GPRIN1: variants seen among roughly 807,000 people sequenced by gnomAD.
The protein encoded by GPRIN1 is G protein-regulated inducer of neurite outgrowth 1.
A neutral mutation model predicts 2.8 loss-of-function variants in GPRIN1; 4 were observed. That is an observed-to-expected ratio of 1.45 (90% CI 0.71 to 3.32). GPRIN1 has a LOEUF of 3.32. Among genes scored for constraint, GPRIN1 ranks in the 30% most tolerant of loss-of-function variants. The probability of loss-of-function intolerance (pLI) is 0.01; values close to 1 mark genes in which losing one functional copy is unlikely to be tolerated. For synonymous variants in GPRIN1, 589 were observed against 589.9 expected (o/e 1.00, Z 0.02); for missense variants, 1,322 against 1,343.4 (o/e 0.98, Z 0.25).
rs115775006 is a variant in GPRIN1 at position 176,602,234 on chromosome 5, C to T, written c.-43-2357G>A. ...TATCTGCATGGTCGGCTCCCCAAGG[C>T]TTTCCCTGACCCATGCAATGTAAAA... On this transcript the variant is annotated intron_variant, in intron 1 of 1. Transcript: ENST00000303991. The surrounding 1 kb of genome is among the most constrained non-coding windows in gnomAD (Gnocchi z 4.4). 2.4e-3 allele frequency among the ~76,000 whole-genome samples: 363 copies of T among 152,310 alleles called. 2 individuals carry two copies. Among genetic ancestry groups the T allele is most frequent in the African/African-American group, 8.4e-3 (351 of 41,574 alleles).
Position 176,596,999 on chromosome 5 carries a change from T to C in GPRIN1, c.2836A>G (p.Ile946Val). The stretch of plus-strand genomic sequence containing the variant: ...GCCCCTTGGCGGCCGTGCTCCTCGA[T>C]CTGTCGCTCCAGATGCTTCTGGATG... ...MAIQKHLERQ[I>V]EEHGRQGAPA... is the part of the protein sequence containing the mutation. Residue 946 changes from isoleucine to valine, a missense_variant, in exon 2 of 2, where the codon ATC becomes GTC. By Grantham distance (29) the Ile-to-Val change is conservative. Coordinates refer to ENST00000303991, the MANE Select transcript of GPRIN1 (RefSeq NM_052899.3). The surrounding 1 kb of genome is among the most constrained non-coding windows in gnomAD (Gnocchi z 5.2). 7.0e-7 allele frequency: 1 copy of C among 1,426,176 alleles called. No individual in the cohort carries two copies. The highest frequency in any genetic ancestry group is 9.2e-7 in the Non-Finnish European group (1 of 1,082,816). 88.3% of individuals were successfully genotyped at this position (1,426,176 alleles called of 1,614,324 possible). A position where few individuals can be genotyped will look rare whatever the true frequency, so the allele number is the denominator to read the frequency against.
At chr5:176,600,182 G>A (rs1253515384) in intron 1 of GPRIN1, among the ~76,000 whole-genome samples, 3 of 152,070 alleles carry the variant, frequency 2.0e-5, no homozygotes, top group South Asian at 2.1e-4. Context: ...GTGCAATGGC[G>A]CGATCTCAGC....
Position 176,597,587 on chromosome 5 carries a change from GC to G in GPRIN1, c.2247del (p.Glu749AspfsTer78). Reference sequence around the variant, plus strand: ...GTGCTGGACACGGGCTCGGCCTTCGGCTCCACGCGGCCTTCACTGCCCCTGG... The same window carrying G: ...GTGCTGGACACGGGCTCGGCCTTCGGTCCACGCGGCCTTCACTGCCCCTGG... Reference protein sequence around the residue: ...EGARGSEGRVEPKAEPVSSTE... With the variant: ...EGARGSEGRVXPKAEPVSSTE... On this transcript the variant is annotated frameshift_variant, in exon 2 of 2. Coordinates refer to ENST00000303991, the MANE Select transcript of GPRIN1 (RefSeq NM_052899.3). LOFTEE classifies it low-confidence loss of function (END_TRUNC). This position sits in a 1 kb window ranked among gnomAD's most constrained non-coding sequence, Gnocchi z 6.1. The G allele has an allele frequency of 6.3e-7, 1 of 1,595,244 alleles. No individual in the cohort carries two copies. Among genetic ancestry groups the G allele is most frequent in the Non-Finnish European group, 8.5e-7 (1 of 1,177,272 alleles).
chr5:176,597,946 G>A lies in GPRIN1; in HGVS notation c.1889C>T (p.Ala630Val), dbSNP rs1759077385. The change falls in exon 2 of 2, where the codon GCA (alanine) becomes GTA (valine). Residue 630 changes from alanine (A) to valine (V), a missense_variant. Around this residue, in one of 3 missense-constraint regions of GPRIN1, gnomAD observed 1,117 missense variants for 1,128.6 expected, o/e 0.99. Transcript: ENST00000303991. This position sits in a 1 kb window ranked among gnomAD's most constrained non-coding sequence, Gnocchi z 6.1. ...TKADPRASGK[A>V]QPQSGGKAET... is the part of the protein sequence containing the mutation. Reference sequence around the variant, plus strand: ...TGCTTTGCCACCAGACTGCGGCTGTGCTTTCCCCGAGGCCCTGGGATCCGC... The same window carrying A: ...TGCTTTGCCACCAGACTGCGGCTGTACTTTCCCCGAGGCCCTGGGATCCGC... The A allele has an allele frequency of 1.2e-6, 2 of 1,613,980 alleles. No individual in the cohort carries two copies. The highest frequency in any genetic ancestry group is 4.5e-5 in the East Asian group (2 of 44,880).
Position 176,602,775 on chromosome 5 carries a change from T to C in GPRIN1, c.-43-2898A>G, listed in dbSNP as rs936332385. Among the ~76,000 whole-genome samples the C allele has an allele frequency of 6.6e-6, 1 of 152,042 alleles. No homozygotes were observed. Among genetic ancestry groups the C allele is most frequent in the Non-Finnish European group, 1.5e-5 (1 of 68,012 alleles). The stretch of plus-strand genomic sequence containing the variant: ...ACGGGGAGGCAGGTTCTGTGAACTG[T>C]GGGACAACCACGCAGAGCACCGGGC... On this transcript the variant is annotated intron_variant, in intron 1 of 1. Transcript: ENST00000303991. This position sits in a 1 kb window ranked among gnomAD's most constrained non-coding sequence, Gnocchi z 4.4.
chr5:176,599,772 T>C lies in GPRIN1; in HGVS notation c.63A>G (p.Gly21=). Residue 21 remains glycine (G), a synonymous_variant, in exon 2 of 2, where the codon GGA becomes GGG. Transcript: ENST00000303991. ...GGCAGAAGAAGGCTGTGGGTCGGGGTCCTGGGGGGCTGGAATCCTTTTGAA... is the reference window on the plus strand; with the variant it reads ...GGCAGAAGAAGGCTGTGGGTCGGGGCCCTGGGGGGCTGGAATCCTTTTGAA... ...QLLQKDSSPP[G]PRPTAFFCPQ... The C allele has an allele frequency of 6.6e-7, 1 of 1,515,670 alleles. No individual in the cohort carries two copies. The highest frequency in any genetic ancestry group is 1.3e-5 in the South Asian group (1 of 75,648). The allele number at this position is 1,515,670 out of a possible 1,614,324, so 93.9% of individuals were successfully genotyped here.
intron 1 of GPRIN1, among the ~76,000 whole-genome samples, chr5:176,605,491 G>T (rs1581159062): frequency 6.6e-6 from 1 of 152,176 alleles, no homozygotes; most frequent in Admixed American, 6.5e-5. Flanking sequence ...TTATAAGCCA[G>T]GGTGACCGGG....
rs1759059046 is a variant in GPRIN1, at chr5:176,597,409, C to G, written c.2426G>C (p.Arg809Pro). 5.4e-6 allele frequency: 7 copies of G among 1,292,768 alleles called. No homozygotes were observed. Among genetic ancestry groups the G allele is most frequent in the Non-Finnish European group, 6.8e-6 (7 of 1,025,154 alleles). 80.1% of individuals were successfully genotyped at this position (1,292,768 alleles called of 1,614,324 possible). The change falls in exon 2 of 2, where the codon CGC (arginine) becomes CCC (proline). Residue 809 changes from arginine to proline, a missense_variant. Coordinates refer to ENST00000303991, the MANE Select transcript of GPRIN1 (RefSeq NM_052899.3). This position sits in a 1 kb window ranked among gnomAD's most constrained non-coding sequence, Gnocchi z 6.1. ...SWEASAPPPP[R>P]EDAGTQAGAQ... ...GCCCGCCTGAGTGCCCGCGTCCTCG[C>G]GCGGCGGCGGCGGGGCGCTCGCCTC...
chr5:176,596,228 G>C lies in GPRIN1; in HGVS notation c.*580C>G, dbSNP rs1483800901. 6.6e-6 allele frequency: 1 copy of C among 152,440 alleles called. No homozygotes were observed. The highest frequency in any genetic ancestry group is 2.4e-5 in the African/African-American group (1 of 41,424). 9.4% of individuals were successfully genotyped at this position (152,440 alleles called of 1,614,324 possible). ...GGGTGGGAGATAGGAACTGGGGAAG[G>C]ACCACCAACAGCATGCAAGAGACGC... On this transcript the variant is annotated 3_prime_UTR_variant, in exon 2 of 2. Coordinates refer to ENST00000303991, the MANE Select transcript of GPRIN1 (RefSeq NM_052899.3). The surrounding 1 kb of genome is among the most constrained non-coding windows in gnomAD (Gnocchi z 5.2).
At position 176,602,487 on chromosome 5, in the gene GPRIN1, C is replaced by G. The variant is rs191088637; in HGVS notation, c.-43-2610G>C. On this transcript the variant is annotated intron_variant, in intron 1 of 1. Coordinates refer to ENST00000303991, the MANE Select transcript of GPRIN1 (RefSeq NM_052899.3). This position sits in a 1 kb window ranked among gnomAD's most constrained non-coding sequence, Gnocchi z 4.4. The stretch of plus-strand genomic sequence containing the variant: ...GCAGTAAGCAAGGAAGATCCTCATA[C>G]GGATTTGTTCCATGAATGACTGAAT... 6.6e-6 allele frequency among the ~76,000 whole-genome samples: 1 copy of G among 152,176 alleles called. No individual in the cohort carries two copies. The highest frequency in any genetic ancestry group is 1.5e-5 in the Non-Finnish European group (1 of 68,044).
At position 176,597,098 on chromosome 5, in the gene GPRIN1, C is replaced by A; in HGVS notation, c.2737G>T (p.Val913Leu). 1 of 1,489,366 alleles carries A rather than the reference C, an allele frequency of 6.7e-7. No individual in the cohort carries two copies. The highest frequency in any genetic ancestry group is 1.3e-5 in the South Asian group (1 of 77,028). 92.3% of individuals were successfully genotyped at this position (1,489,366 alleles called of 1,614,324 possible). Residue 913 changes from valine to leucine, a missense_variant, in exon 2 of 2, where the codon GTG becomes TTG. Around this residue, in one of 3 missense-constraint regions of GPRIN1, gnomAD observed 196 missense variants for 189.2 expected, o/e 1.04. Transcript: ENST00000303991. This position sits in a 1 kb window ranked among gnomAD's most constrained non-coding sequence, Gnocchi z 6.1. Reference sequence around the variant, plus strand: ...GTCATGCCCTTCTCGTCCCAGCTCACGTCTCGCACGGGCTCAGCCGGCTCC... The same window carrying A: ...GTCATGCCCTTCTCGTCCCAGCTCAAGTCTCGCACGGGCTCAGCCGGCTCC... ...PPEPAEPVRD[V>L]SWDEKGMTWE...
At chr5:176,604,822 C>T (rs915356041) in intron 1 of GPRIN1, among the ~76,000 whole-genome samples, 2 of 152,150 alleles carry the variant, frequency 1.3e-5, no homozygotes, top group Non-Finnish European at 2.9e-5. Flanking sequence ...CAACCTCTGC[C>T]TCCCAGGTTC....
Position 176,599,892 on chromosome 5 carries a change from G to A in GPRIN1, c.-43-15C>T, listed in dbSNP as rs1759122588. 6.0e-6 allele frequency: 8 copies of A among 1,343,060 alleles called. No individual in the cohort carries two copies. The highest frequency in any genetic ancestry group is 7.7e-6 in the Non-Finnish European group (8 of 1,040,106). The allele number at this position is 1,343,060 out of a possible 1,614,324, so 83.2% of individuals were successfully genotyped here. On this transcript the variant is annotated splice_polypyrimidine_tract_variant and intron_variant, in intron 1 of 1. Transcript: ENST00000303991. ...GCTGTCTGGTTCTGAAACAGAGAGAGAGCTGACTCAGACTTCCCAAAGCTC... is the reference window on the plus strand; with the variant it reads ...GCTGTCTGGTTCTGAAACAGAGAGAAAGCTGACTCAGACTTCCCAAAGCTC...
In GPRIN1 at chr5:176,602,130, C is replaced by G. The variant is rs34103857; in HGVS notation, c.-43-2253G>C. The stretch of plus-strand genomic sequence containing the variant: ...GCCACGCGGGGTGCCTCGCTGTGCG[C>G]CTTGCTGTGCCTTGAACACGCCTGC... On this transcript the variant is annotated intron_variant, in intron 1 of 1. Transcript: ENST00000303991. The surrounding 1 kb of genome is among the most constrained non-coding windows in gnomAD (Gnocchi z 4.4). 6.6e-6 allele frequency among the ~76,000 whole-genome samples: 1 copy of G among 152,024 alleles called. No homozygotes were observed. Among genetic ancestry groups the G allele is most frequent in the Non-Finnish European group, 1.5e-5 (1 of 68,004 alleles).
At chr5:176,609,286 T>C (rs550213480) in intron 1 of GPRIN1, among the ~76,000 whole-genome samples, 1 of 152,252 alleles carries the variant, frequency 6.6e-6, no homozygotes, top group Admixed American at 6.5e-5. Flanking sequence ...GGGAGTATTG[T>C]TGAGTTGATG....
chr5:176,597,450 G>C lies in GPRIN1; in HGVS notation c.2385C>G (p.Thr795=), dbSNP rs1427364311. The C allele has an allele frequency of 1.5e-6, 2 of 1,312,732 alleles. No homozygotes were observed. Among genetic ancestry groups the C allele is most frequent in the Non-Finnish European group, 1.9e-6 (2 of 1,035,258 alleles). The allele number at this position is 1,312,732 out of a possible 1,614,324, so 81.3% of individuals were successfully genotyped here. ...CGCTCGCCTCCCACGACGGCGCCTT[G>C]GTGAAGTTGTCGCGAGTCCGCGGCC... The part of the protein sequence containing the change: ...PPGPRTRDNF[T]KAPSWEASAP... Residue 795 remains threonine, a synonymous_variant, in exon 2 of 2, where the codon ACC becomes ACG. Coordinates refer to ENST00000303991, the MANE Select transcript of GPRIN1 (RefSeq NM_052899.3). The surrounding 1 kb of genome is among the most constrained non-coding windows in gnomAD (Gnocchi z 6.1).
At position 176,599,460 on chromosome 5, in the gene GPRIN1, CGTG is replaced by C. The variant is rs1759112552; in HGVS notation, c.372_374del (p.Thr125del). 6 of 1,614,086 alleles carry C rather than the reference CGTG, an allele frequency of 3.7e-6. No individual in the cohort carries two copies. Among genetic ancestry groups the C allele is most frequent in the African/African-American group, 1.3e-5 (1 of 75,052 alleles). ...AGGACACAGGCTCTGGCTTCCCAGA[CGTG>C]GTGGCTTCTGGTGTCCCTGAGATGG... On this transcript the variant is annotated inframe_deletion, in exon 2 of 2. Transcript: ENST00000303991.
intron 1 of GPRIN1, among the ~76,000 whole-genome samples, chr5:176,607,903 CTTTTTTTTTTTTTT>C (rs35368228): frequency 1.8e-4 from 12 of 67,378 alleles, no homozygotes; most frequent in African/African-American, 4.1e-4. Flanking sequence ...ACACTTGGCT[CTTTTTTTTTTTTTT>C]TTTTTTTTTT....
At chr5:176,603,044 G>A (rs1759170608) in intron 1 of GPRIN1, among the ~76,000 whole-genome samples, 1 of 152,126 alleles carries the variant, frequency 6.6e-6, no homozygotes, top group African/African-American at 2.4e-5. Flanking sequence ...GCGCCCCTTT[G>A]TGATGTTTAA....
Sources: allele counts gnomAD v4.1 joint callset (sites outside exome capture counted in the v4.1 genomes callset), GRCh38; gene constraint gnomAD v4.1.1; regional missense constraint gnomAD v4.1.1; non-coding constraint Gnocchi (gnomAD v3.1); transcripts MANE v1.5; gene names NCBI Gene and HGNC (gene_info 2026-07-23, HGNC 2026-07-21).